ZMAT1: variants seen among roughly 807,000 people sequenced by gnomAD.
The protein encoded by ZMAT1 is zinc finger matrin-type 1.
ZMAT1 carries 11 observed loss-of-function variants against 18.5 expected under a neutral mutation model. The observed-to-expected ratio is 0.59, with a 90% CI of 0.37 to 0.98. ZMAT1 has a LOEUF of 0.98. Ranked by LOEUF, ZMAT1 falls within the 50% of genes least tolerant of loss-of-function variation. The pLI, the probability that ZMAT1 is intolerant of heterozygous loss-of-function variation, is 0.01. For missense variants in ZMAT1, 525 were observed against 496.2 expected (o/e 1.06, Z -0.55); for synonymous variants, 211 against 176.4 (o/e 1.20, Z -1.55).
chrX:101,894,775 G>A, intron 4 of ZMAT1: 1 of 752,672 alleles, frequency 1.3e-6, no homozygotes, highest in Non-Finnish European at 1.6e-6. Flanking sequence ...AGAGAAGAAT[G>A]AACATTTTCA....
chrX:101,902,302 G>C (rs1178176661), intron 2 of ZMAT1, among the ~76,000 whole-genome samples: 1 of 111,417 alleles, frequency 9.0e-6, no homozygotes. Flanking sequence ...TGTTCTAATT[G>C]ATTTGTAGTC....
chrX:101,916,634 C>G (rs1261750850), intron 1 of ZMAT1, among the ~76,000 whole-genome samples: 1 of 111,329 alleles, frequency 9.0e-6, no homozygotes, highest in Non-Finnish European at 1.9e-5. Flanking sequence ...AGATTCAAAG[C>G]AATCCCTATC....
chrX:101,926,526 T>C (rs1278840390), intron 1 of ZMAT1, among the ~76,000 whole-genome samples: 3 of 112,339 alleles, frequency 2.7e-5, no homozygotes, highest in African/African-American at 6.5e-5. Flanking sequence ...AAAACATTTA[T>C]GGCTTGAGTG....
Position 101,884,098 on chromosome X carries a change from C to T in ZMAT1, c.1500G>A (p.Lys500=), listed in dbSNP as rs1926716343. 3.3e-6 allele frequency: 4 copies of T among 1,209,151 alleles called. No individual in the cohort carries two copies. The Middle Eastern group carries it at 6.9e-4, about 209-fold the overall frequency. ...VRPRHRMLEQ[K]LPCETFQTYS... ...AGGTCTGGAAAGTCTCACATGGGAG[C>T]TTTTGCTCCAACATTCTATGTCTGG... The change falls in exon 6 of 6, where the codon AAG becomes AAA. Residue 500 remains lysine (K), a synonymous_variant. Coordinates refer to ENST00000651725, the MANE Select transcript of ZMAT1 (RefSeq NM_001394560.1).
At chrX:101,887,856 TG>T (rs964267326) in intron 4 of ZMAT1, 1 of 111,852 alleles carries the variant, frequency 8.9e-6, no homozygotes, top group Middle Eastern at 4.2e-3. Flanking sequence ...TGATTATAAT[TG>T]GTTTTTCATA....
At chrX:101,898,503 A>C (rs1455130483) in intron 2 of ZMAT1, among the ~76,000 whole-genome samples, 1 of 112,200 alleles carries the variant, frequency 8.9e-6, no homozygotes, top group Non-Finnish European at 1.9e-5. Context: ...CAATGTACCC[A>C]GTTAAAAGAC....
At chrX:101,887,399 G>A (rs1229171347) in intron 4 of ZMAT1, 6 of 251,984 alleles carry the variant, frequency 2.4e-5, no homozygotes, top group African/African-American at 3.0e-5. Flanking sequence ...TTTGTAGGTA[G>A]AATTAGAAGC....
chrX:101,910,734 A>G (rs1393211757), intron 1 of ZMAT1, among the ~76,000 whole-genome samples: 1 of 111,783 alleles, frequency 8.9e-6, no homozygotes, highest in Admixed American at 9.5e-5. Flanking sequence ...CACAGAGGAG[A>G]CAAAAGAAAA....
chrX:101,931,835 G>A lies in ZMAT1; in HGVS notation c.174C>T (p.Cys58=). 1 of 786,180 alleles carries A rather than the reference G, an allele frequency of 1.3e-6. No homozygotes were observed. Among genetic ancestry groups the A allele is most frequent in the Non-Finnish European group, 1.5e-6 (1 of 662,478 alleles). The allele number at this position is 786,180 out of a possible 1,213,427, so 64.8% of individuals were successfully genotyped here. Residue 58 remains cysteine, a synonymous_variant, in exon 1 of 6, where the codon TGC becomes TGT. Coordinates refer to ENST00000651725, the MANE Select transcript of ZMAT1 (RefSeq NM_001394560.1). ...CGTCGCCACAGCCACCGGCAGGCGG[G>A]CAGGCAGGGGCGGAGGTGGCGGAGG... ...PASSATSAPA[C]PPAGGCGDGG...
At chrX:101,929,436 TATATATA>T (rs1930311189) in intron 1 of ZMAT1, among the ~76,000 whole-genome samples, 2 of 72,117 alleles carry the variant, frequency 2.8e-5, no homozygotes, top group African/African-American at 9.1e-5. Flanking sequence ...TATATATATA[TATATATA>T]TATATATATA....
Position 101,883,618 on chromosome X carries a change from A to C in ZMAT1, c.1980T>G (p.Asp660Glu), listed in dbSNP as rs772697728. 9 of 1,206,076 alleles carry C rather than the reference A, an allele frequency of 7.5e-6. No homozygotes were observed. Among genetic ancestry groups the C allele is most frequent in the Non-Finnish European group, 1.0e-5 (9 of 894,046 alleles). The change falls in exon 6 of 6, where the codon GAT (aspartate) becomes GAG (glutamate). Residue 660 changes from aspartate (D) to glutamate (E), a missense_variant. Coordinates refer to ENST00000651725, the MANE Select transcript of ZMAT1 (RefSeq NM_001394560.1). Reference protein sequence around the residue: ...LKHRKKKKSHDVPSEKEERKH... With the variant: ...LKHRKKKKSHEVPSEKEERKH... ...TACGTTCTTCTTTCTCGGAGGGTAC[A>C]TCATGGCTTTTTTTCTTTTTTCGAT...
chrX:101,926,316 A>G (rs1930051992), intron 1 of ZMAT1, among the ~76,000 whole-genome samples: 1 of 112,153 alleles, frequency 8.9e-6, no homozygotes, highest in South Asian at 3.6e-4. Context: ...CTTGACAGAA[A>G]CTTACTTTTT....
Position 101,883,919 on chromosome X carries a change from T to C in ZMAT1, c.1679A>G (p.Gln560Arg). The C allele has an allele frequency of 3.3e-6, 4 of 1,210,758 alleles. No homozygotes were observed. Among genetic ancestry groups the C allele is most frequent in the East Asian group, 3.0e-5 (1 of 33,788 alleles). ...PEKPVPLSLN[Q>R]QENNSGSYSV... is the part of the protein sequence containing the mutation. The stretch of plus-strand genomic sequence containing the variant: ...GTATGAGCCAGAGTTATTTTCTTGC[T>C]GATTAAGGCTCAAGGGTACTGGTTT... Residue 560 changes from glutamine (Q) to arginine (R), a missense_variant, in exon 6 of 6, where the codon CAG becomes CGG. Coordinates refer to ENST00000651725, the MANE Select transcript of ZMAT1 (RefSeq NM_001394560.1).
At position 101,886,743 on chromosome X, in the gene ZMAT1, A is replaced by G; in HGVS notation, c.677-12T>C. The G allele has an allele frequency of 8.9e-7, 1 of 1,127,910 alleles. No individual in the cohort carries two copies. Among genetic ancestry groups the G allele is most frequent in the Non-Finnish European group, 1.2e-6 (1 of 826,474 alleles). 93.0% of individuals were successfully genotyped at this position (1,127,910 alleles called of 1,213,427 possible). Reference sequence around the variant, plus strand: ...TCTCATACTAAATGCTGAAAAAACAAAGAGTTCAAGTTAAGAAGGTCAGTA... The same window carrying G: ...TCTCATACTAAATGCTGAAAAAACAGAGAGTTCAAGTTAAGAAGGTCAGTA... On this transcript the variant is annotated splice_polypyrimidine_tract_variant and intron_variant, in intron 4 of 5. Coordinates refer to ENST00000651725, the MANE Select transcript of ZMAT1 (RefSeq NM_001394560.1).
chrX:101,884,192 GT>G lies in ZMAT1; in HGVS notation c.1405del (p.Thr469LeufsTer6). 8.3e-7 allele frequency: 1 copy of G among 1,211,223 alleles called. No individual in the cohort carries two copies. The highest frequency in any genetic ancestry group is 1.1e-6 in the Non-Finnish European group (1 of 895,187). On this transcript the variant is annotated frameshift_variant, in exon 6 of 6. Coordinates refer to ENST00000651725, the MANE Select transcript of ZMAT1 (RefSeq NM_001394560.1). LOFTEE classifies it low-confidence loss of function (END_TRUNC). ...VQKARGLEPK[T>X]CFRKIGDSSV... ...GCTATCTCCTATCTTTCTGAAACAA[GT>G]TTTTGGCTCTAGTCCTCTGGCTTTC...
In ZMAT1 at chrX:101,925,981, T is replaced by C. The variant is rs755338201; in HGVS notation, c.292+5736A>G. ...CCCGTGAGGCAAAACTGCCTCCAGT[T>C]TAGAACCAATCCAATGTCCTCATTT... On this transcript the variant is annotated intron_variant, in intron 1 of 5. Transcript: ENST00000651725. 2.2e-3 allele frequency among the ~76,000 whole-genome samples: 251 copies of C among 112,362 alleles called. 1 individual carries two copies. Among genetic ancestry groups the C allele is most frequent in the African/African-American group, 7.4e-3 (228 of 30,942 alleles).
intron 4 of ZMAT1, chrX:101,889,470 A>AGGTC (rs1473294834): frequency 2.7e-5 from 3 of 111,577 alleles, no homozygotes; most frequent in African/African-American, 6.5e-5. Context: ...CTCTGAACTA[A>AGGTC]GGTCTTTGTT....
chrX:101,884,848 TATTAG>T (rs1569427667), intron 5 of ZMAT1, 27 bp from the exon 6 acceptor site: 2 of 850,396 alleles, frequency 2.4e-6, no homozygotes, highest in Admixed American at 6.0e-5. Context: ...AGAAAATTGT[TATTAG>T]ATTATTTTAT....
chrX:101,884,261 T>G lies in ZMAT1; in HGVS notation c.1337A>C (p.Tyr446Ser), dbSNP rs372963755. ...TTCAAGTTCATCTTGGAAAGAATCATATGTCCTCTTTGAATGGGTTGGTAG... is the reference window on the plus strand; with the variant it reads ...TTCAAGTTCATCTTGGAAAGAATCAGATGTCCTCTTTGAATGGGTTGGTAG... ...QWLPTHSKRTYDSFQDELEDY... is the reference protein window; with the variant it reads ...QWLPTHSKRTSDSFQDELEDY... Residue 446 changes from tyrosine (Y) to serine (S), a missense_variant, in exon 6 of 6, where the codon TAT (tyrosine) becomes TCT (serine). By Grantham distance (144) the Tyr-to-Ser change is moderately radical. Coordinates refer to ENST00000651725, the MANE Select transcript of ZMAT1 (RefSeq NM_001394560.1). 4.7e-5 allele frequency: 57 copies of G among 1,209,104 alleles called. No individual in the cohort carries two copies. The highest frequency in any genetic ancestry group is 4.4e-5 in the Admixed American group (2 of 45,625).
Sources: gnomAD v4.1 joint callset for allele counts (sites outside exome capture counted in the v4.1 genomes callset) on GRCh38, gnomAD v4.1.1 for gene constraint, MANE v1.5 for transcripts, NCBI Gene and HGNC (gene_info 2026-07-23, HGNC 2026-07-21) for gene names.